Variants in NUDCD3 observed in about 807,000 individuals in gnomAD.
NUDCD3 encodes the protein NudC domain containing 3.
NUDCD3 carries 13 observed loss-of-function variants against 39.7 expected under a neutral mutation model. That is an observed-to-expected ratio of 0.33 (90% CI 0.21 to 0.52). The LOEUF (loss-of-function observed/expected upper bound fraction) is 0.52, where lower values mean the gene tolerates loss of function less well. Ranked by LOEUF, NUDCD3 falls within the 20% of genes least tolerant of loss-of-function variation. NUDCD3 has a pLI of 0.96. For missense variants in NUDCD3, 453 were observed against 458.1 expected (o/e 0.99, Z 0.10); for synonymous variants, 175 against 172.4 (o/e 1.02, Z -0.12).
chr7:44,460,888 G>C (rs1021828623), intron 2 of NUDCD3, among the ~76,000 whole-genome samples: 2 of 152,026 alleles, frequency 1.3e-5, no homozygotes, highest in Non-Finnish European at 2.9e-5. Flanking sequence ...ACGCTTTTTT[G>C]CAAAATCTGC....
At chr7:44,427,768 C>T in intron 2 of NUDCD3, 65 bp from the exon 3 acceptor site, 1 of 1,545,762 alleles carries the variant, frequency 6.5e-7, no homozygotes. Context: ...CATGGGCAGC[C>T]TAGCCCATGC....
intron 4 of NUDCD3, among the ~76,000 whole-genome samples, chr7:44,399,675 GGGC>G (rs569379695): frequency 3.2e-3 from 490 of 152,304 alleles, no homozygotes; most frequent in Non-Finnish European, 5.8e-3. Context: ...TGGGGATATA[GGGC>G]TAATGTCATC....
At chr7:44,400,730 T>C (rs1421489024) in intron 4 of NUDCD3, among the ~76,000 whole-genome samples, 2 of 152,192 alleles carry the variant, frequency 1.3e-5, no homozygotes, top group Non-Finnish European at 2.9e-5. Flanking sequence ...TGGCTCCAGG[T>C]GTTCCTGGGC....
rs1454404492 is a variant in NUDCD3 at position 44,379,359 on chromosome 7, T to C, written c.*6652A>G. 3 of 63,696 alleles carry C rather than the reference T, an allele frequency of 4.7e-5. No individual in the cohort carries two copies. Among genetic ancestry groups the C allele is most frequent in the Non-Finnish European group, 8.7e-5 (3 of 34,632 alleles). The allele number at this position is 63,696 out of a possible 1,614,324, so 3.9% of individuals were successfully genotyped here. A position where few individuals can be genotyped will look rare whatever the true frequency, so the allele number is the denominator to read the frequency against. ...GAGAGCAGTTATCTTGGGACAGAGATGAGGCAGTTGGCGGGGCGGGGCGGG... is the reference window on the plus strand; with the variant it reads ...GAGAGCAGTTATCTTGGGACAGAGACGAGGCAGTTGGCGGGGCGGGGCGGG... On this transcript the variant is annotated 3_prime_UTR_variant, in exon 6 of 6. Coordinates refer to ENST00000355451, the MANE Select transcript of NUDCD3 (RefSeq NM_015332.4).
At chr7:44,443,410 T>C (rs1201778254) in intron 2 of NUDCD3, among the ~76,000 whole-genome samples, 1 of 151,950 alleles carries the variant, frequency 6.6e-6, no homozygotes, top group Non-Finnish European at 1.5e-5. Flanking sequence ...TTTTCTTTTC[T>C]TTTTTCTTTT....
rs752474229 is a variant in NUDCD3, at chr7:44,404,518, G to A, written c.708C>T (p.Val236=). ...VAMLEENGER[V]LMEGKLTHKI... is the part of the protein sequence containing the mutation. ...TGTGGGTGAGCTTCCCTTCCATGAGGACGCGCTCCCCATTTTCCTCCAGCA... is the reference window on the plus strand; with the variant it reads ...TGTGGGTGAGCTTCCCTTCCATGAGAACGCGCTCCCCATTTTCCTCCAGCA... Residue 236 remains valine, a synonymous_variant, in exon 4 of 6, where the codon GTC becomes GTT. Coordinates refer to ENST00000355451, the MANE Select transcript of NUDCD3 (RefSeq NM_015332.4). 1 of 1,613,960 alleles carries A rather than the reference G, an allele frequency of 6.2e-7. No individual in the cohort carries two copies. The highest frequency in any genetic ancestry group is 8.5e-7 in the Non-Finnish European group (1 of 1,179,984).
intron 2 of NUDCD3, among the ~76,000 whole-genome samples, chr7:44,434,511 G>A (rs943417440): frequency 2.6e-5 from 4 of 152,228 alleles, no homozygotes; most frequent in Admixed American, 6.5e-5. Flanking sequence ...CATTGTTGTG[G>A]ATGCATTATT....
chr7:44,437,802 T>A (rs1799494273), intron 2 of NUDCD3, among the ~76,000 whole-genome samples: 1 of 152,198 alleles, frequency 6.6e-6, no homozygotes, highest in Non-Finnish European at 1.5e-5. Context: ...ACTAATACTC[T>A]GATAGATTTA....
chr7:44,485,432 A>T (rs1188764631), intron 1 of NUDCD3, 148 bp from the exon 2 acceptor site: 7 of 631,254 alleles, frequency 1.1e-5, no homozygotes, highest in Non-Finnish European at 1.9e-5. Flanking sequence ...ATGCACTGCC[A>T]CTTCACCAAA....
Position 44,485,093 on chromosome 7 carries a change from C to G in NUDCD3, c.384G>C (p.Gln128His), listed in dbSNP as rs758689871. Residue 128 changes from glutamine to histidine, a missense_variant, in exon 2 of 6, where the codon CAG becomes CAC. Transcript: ENST00000355451. ...IDSTTELDGH[Q>H]EVEKVQPPGP... ...CTGGAGGCTGCACTTTCTCTACTTC[C>G]TGATGCCCATCCAATTCTGTGGTGG... is the stretch of plus-strand genomic sequence containing the variant. The G allele has an allele frequency of 5.6e-6, 9 of 1,614,196 alleles. No homozygotes were observed. Among genetic ancestry groups the G allele is most frequent in the Non-Finnish European group, 7.6e-6 (9 of 1,180,032 alleles).
At chr7:44,427,470 G>T in intron 3 of NUDCD3, 101 bp downstream of exon 3, 1 of 1,340,916 alleles carries the variant, frequency 7.5e-7, no homozygotes, top group Non-Finnish European at 1.0e-6. Context: ...ACATCCTAAA[G>T]CCGATCTCAA....
intron 2 of NUDCD3, among the ~76,000 whole-genome samples, chr7:44,428,940 A>T (rs1012475898): frequency 2.0e-5 from 3 of 152,180 alleles, no homozygotes; most frequent in African/African-American, 4.8e-5. Flanking sequence ...AGACGGCCCC[A>T]TGGGCTTGTA....
intron 2 of NUDCD3, among the ~76,000 whole-genome samples, chr7:44,479,760 CTTAAA>C (rs781123469): frequency 2.0e-5 from 3 of 152,252 alleles, no homozygotes; most frequent in African/African-American, 4.8e-5. Context: ...GAATAACTAC[CTTAAA>C]TTACTCAATT....
intron 3 of NUDCD3, among the ~76,000 whole-genome samples, chr7:44,406,945 G>A (rs1190461556): frequency 1.3e-5 from 2 of 152,146 alleles, no homozygotes; most frequent in African/African-American, 4.8e-5. Flanking sequence ...GCAAGGCCAG[G>A]GGCACATGTG....
intron 4 of NUDCD3, among the ~76,000 whole-genome samples, chr7:44,397,366 G>T (rs542165546): frequency 6.6e-6 from 1 of 152,164 alleles, no homozygotes; most frequent in Non-Finnish European, 1.5e-5. Context: ...AAGTAGCCAG[G>T]AATGCGTGTG....
In NUDCD3 at chr7:44,485,141, T is replaced by C; in HGVS notation, c.336A>G (p.Pro112=). The change falls in exon 2 of 6, where the codon CCA becomes CCG. Residue 112 remains proline, a synonymous_variant. Coordinates refer to ENST00000355451, the MANE Select transcript of NUDCD3 (RefSeq NM_015332.4). ...TGGAGTCAATCTCTATTTCCTGGAC[T>C]GGAACTGGGACTGGCTCCTTCTCAG... ...AAAEKEPVPV[P]VQEIEIDSTT... 1.2e-6 allele frequency: 2 copies of C among 1,614,206 alleles called. No homozygotes were observed. The highest frequency in any genetic ancestry group is 1.7e-6 in the Non-Finnish European group (2 of 1,180,046).
intron 4 of NUDCD3, among the ~76,000 whole-genome samples, chr7:44,400,037 G>A (rs935713282): frequency 6.6e-6 from 1 of 152,150 alleles, no homozygotes; most frequent in Non-Finnish European, 1.5e-5. Flanking sequence ...CCATGTCCAA[G>A]AGCCCCCGCA....
chr7:44,417,122 C>A (rs1276198098), intron 3 of NUDCD3, among the ~76,000 whole-genome samples: 1 of 152,202 alleles, frequency 6.6e-6, no homozygotes, highest in Non-Finnish European at 1.5e-5. Flanking sequence ...CTTGGTGACT[C>A]CCACATGCCC....
chr7:44,403,603 T>C (rs1168924440), intron 4 of NUDCD3, among the ~76,000 whole-genome samples: 1 of 152,148 alleles, frequency 6.6e-6, no homozygotes, highest in African/African-American at 2.4e-5. Flanking sequence ...GCCTGAGAGA[T>C]AGTTTGTCCC....
Sources: gnomAD v4.1 joint callset for allele counts (sites outside exome capture counted in the v4.1 genomes callset) on GRCh38, gnomAD v4.1.1 for gene constraint, MANE v1.5 for transcripts, NCBI Gene and HGNC (gene_info 2026-07-23, HGNC 2026-07-21) for gene names.